TPT1: variants seen among roughly 807,000 people sequenced by gnomAD.
TPT1 encodes the protein tumor protein, translationally-controlled 1.
In TPT1, 5 loss-of-function variants were observed where a neutral mutation model predicts 22.8. The ratio of observed to expected loss-of-function variants is 0.22; its 90% confidence interval spans 0.11 to 0.46. The LOEUF (loss-of-function observed/expected upper bound fraction) is 0.46. Ranked by LOEUF, TPT1 falls within the 20% of genes least tolerant of loss-of-function variation. TPT1 has a pLI of 0.99. For synonymous variants in TPT1, 89 were observed against 73.6 expected, an observed-to-expected ratio of 1.21 and a Z score of -1.07; for missense variants, 130 against 218.7, an observed-to-expected ratio of 0.59 and a Z score of 2.56.
chr13:45,341,098 C>G lies in TPT1; in HGVS notation c.-29G>C. On this transcript the variant is annotated 5_prime_UTR_variant, in exon 1 of 6. Coordinates refer to ENST00000530705, the MANE Select transcript of TPT1 (RefSeq NM_003295.4). ...GGCGACTGAAGGGAGACGACGACGGCGCTAGCTTAGCACGAGCCTGAAACT... is the reference window on the plus strand; with the variant it reads ...GGCGACTGAAGGGAGACGACGACGGGGCTAGCTTAGCACGAGCCTGAAACT... The G allele has an allele frequency of 6.2e-7, 1 of 1,611,962 alleles. No homozygotes were observed. Among genetic ancestry groups the G allele is most frequent in the Non-Finnish European group, 8.5e-7 (1 of 1,178,970 alleles).
Position 45,341,074 on chromosome 13 carries a change from G to A in TPT1, c.-5C>T. 3.1e-6 allele frequency: 5 copies of A among 1,613,348 alleles called. No homozygotes were observed. The highest frequency in any genetic ancestry group is 4.2e-6 in the Non-Finnish European group (5 of 1,179,574). ...GAGGTCCCGGTAGATAATCATGATGGCGACTGAAGGGAGACGACGACGGCG... is the reference window on the plus strand; with the variant it reads ...GAGGTCCCGGTAGATAATCATGATGACGACTGAAGGGAGACGACGACGGCG... On this transcript the variant is annotated 5_prime_UTR_variant, in exon 1 of 6. Transcript: ENST00000530705.
intron 5 of TPT1, chr13:45,337,592 G>C (rs561238784): frequency 6.3e-7 from 1 of 1,596,476 alleles, no homozygotes; most frequent in African/African-American, 1.3e-5. Context: ...ATTGTTCAAG[G>C]TCTATCAGTG....
chr13:45,338,387 G>A (rs919040365), intron 5 of TPT1: 32 of 489,070 alleles, frequency 6.5e-5, no homozygotes, highest in Non-Finnish European at 9.4e-5. Flanking sequence ...CCCAAGTGCT[G>A]AAATTACAGG....
chr13:45,340,819 G>A, intron 1 of TPT1, 34 bp from the exon 2 acceptor site: 1 of 1,503,090 alleles, frequency 6.7e-7, no homozygotes, highest in South Asian at 1.4e-5. Flanking sequence ...ATCACCGTGC[G>A]CCTGGCGCCG....
chr13:45,341,183 G>A lies in TPT1; in HGVS notation c.-114C>T, dbSNP rs891064882. ...GGGGGAGGGGGGAGCGGGCGGAAAAGGCCGACTCAGCCGCTCCCCAACCTC... is the reference window on the plus strand; with the variant it reads ...GGGGGAGGGGGGAGCGGGCGGAAAAAGCCGACTCAGCCGCTCCCCAACCTC... On this transcript the variant is annotated 5_prime_UTR_variant, in exon 1 of 6. Coordinates refer to ENST00000530705, the MANE Select transcript of TPT1 (RefSeq NM_003295.4). 30 of 1,424,476 alleles carry A rather than the reference G, an allele frequency of 2.1e-5. 1 individual carries two copies. The highest frequency in any genetic ancestry group is 8.5e-5 in the African/African-American group (6 of 70,466). The allele number at this position is 1,424,476 out of a possible 1,614,324, so 88.2% of individuals were successfully genotyped here.
Position 45,337,198 on chromosome 13 carries a change from T to A in TPT1, c.*188A>T. The A allele has an allele frequency of 1.6e-6, 1 of 638,970 alleles. No individual in the cohort carries two copies. 39.6% of individuals were successfully genotyped at this position (638,970 alleles called of 1,614,324 possible). On this transcript the variant is annotated 3_prime_UTR_variant, in exon 6 of 6. Transcript: ENST00000530705. ...CAAATGAGTTTAAATGCATTTTATT[T>A]TTAGACAACCTACATGACATGTTTT...
At position 45,338,608 on chromosome 13, in the gene TPT1, T is replaced by C. The variant is rs558628642; in HGVS notation, c.516+52A>G. ...TGTCACAAAACAATTGCAAATCACA[T>C]CTAAAATGTCTTTTTTACATTATTT... On this transcript the variant is annotated intron_variant, in intron 5 of 5. Transcript: ENST00000530705. 4 of 1,595,036 alleles carry C rather than the reference T, an allele frequency of 2.5e-6. No homozygotes were observed. The South Asian group carries it at 3.4e-5, about 14-fold the overall frequency.
intron 2 of TPT1, 115 bp from the exon 3 acceptor site, chr13:45,340,299 G>C: frequency 3.0e-6 from 4 of 1,322,748 alleles, no homozygotes; most frequent in South Asian, 1.3e-5. Flanking sequence ...AATAAAAAAA[G>C]CACCATTTTG....
At position 45,336,489 on chromosome 13, in the gene TPT1, G is replaced by T. The variant is rs372378892; in HGVS notation, c.*897C>A. 1 of 152,126 alleles carries T rather than the reference G, an allele frequency of 6.6e-6. No individual in the cohort carries two copies. Among genetic ancestry groups the T allele is most frequent in the Non-Finnish European group, 1.5e-5 (1 of 68,030 alleles). The allele number at this position is 152,126 out of a possible 1,614,324, so 9.4% of individuals were successfully genotyped here. ...CCCATCTTTTCAGATACAATATAGA[G>T]AACATTTTTACCCCTTTGCCCACCA... On this transcript the variant is annotated 3_prime_UTR_variant, in exon 6 of 6. Transcript: ENST00000530705.
Position 45,341,158 on chromosome 13 carries a change from G to T in TPT1, c.-89C>A, listed in dbSNP as rs936835090. On this transcript the variant is annotated 5_prime_UTR_variant, in exon 1 of 6. Transcript: ENST00000530705. ...CGCGGTGCAGCCGGAGCGGCGCTCG[G>T]GGGGAGGGGGGAGCGGGCGGAAAAG... is the stretch of plus-strand genomic sequence containing the variant. 27 of 1,559,860 alleles carry T rather than the reference G, an allele frequency of 1.7e-5. No individual in the cohort carries two copies. The highest frequency in any genetic ancestry group is 9.5e-5 in the African/African-American group (7 of 73,478).
intron 3 of TPT1, 44 bp from the exon 4 acceptor site, chr13:45,339,646 G>T (rs1168012103): frequency 3.3e-6 from 5 of 1,508,564 alleles, no homozygotes; most frequent in Non-Finnish European, 4.5e-6. Flanking sequence ...TGAATTTTCA[G>T]TAAAATCAAT....
Position 45,339,657 on chromosome 13 carries a change from T to G in TPT1, c.294-55A>C. 4 of 1,486,280 alleles carry G rather than the reference T, an allele frequency of 2.7e-6. No homozygotes were observed. In the South Asian group the frequency reaches 4.9e-5, roughly 18 times the overall value. 92.1% of individuals were successfully genotyped at this position (1,486,280 alleles called of 1,614,324 possible). On this transcript the variant is annotated intron_variant, in intron 3 of 5. Coordinates refer to ENST00000530705, the MANE Select transcript of TPT1 (RefSeq NM_003295.4). ...GTATTGAATTTTCAGTAAAATCAATTTTTAAAGTAAAAAATATCCAAGCTT... is the reference window on the plus strand; with the variant it reads ...GTATTGAATTTTCAGTAAAATCAATGTTTAAAGTAAAAAATATCCAAGCTT...
intron 4 of TPT1, chr13:45,339,062 T>C (rs1878905128): frequency 6.0e-6 from 2 of 335,784 alleles, no homozygotes; most frequent in African/African-American, 2.1e-5. Flanking sequence ...AGCGTGCTTA[T>C]ATAGTCAACC....
rs1878761720 is a variant in TPT1 at position 45,337,301 on chromosome 13, TGTCTTAA to T, written c.*78_*84del. On this transcript the variant is annotated 3_prime_UTR_variant, in exon 6 of 6. Transcript: ENST00000530705. ...AGCTCAAGATGACATCAGTCCCATT[TGTCTTAA>T]GTCCTGGTGTTGTGTGGATGACAAG... 5 of 1,307,340 alleles carry T rather than the reference TGTCTTAA, an allele frequency of 3.8e-6. No homozygotes were observed. Among genetic ancestry groups the T allele is most frequent in the Middle Eastern group, 2.3e-4 (1 of 4,408 alleles). 81.0% of individuals were successfully genotyped at this position (1,307,340 alleles called of 1,614,324 possible).
At position 45,335,350 on chromosome 13, in the gene TPT1, A is replaced by T. The variant is rs1878604723; in HGVS notation, c.*2036T>A. 6.6e-6 allele frequency: 1 copy of T among 152,204 alleles called. No homozygotes were observed. Among genetic ancestry groups the T allele is most frequent in the Admixed American group, 6.6e-5 (1 of 15,258 alleles). 9.4% of individuals were successfully genotyped at this position (152,204 alleles called of 1,614,324 possible). On this transcript the variant is annotated 3_prime_UTR_variant, in exon 6 of 6. Transcript: ENST00000530705. ...GTTGGGAAAACAGCTAAGAGCACTGAAAGGACAACTGGGGAAATACCTCTT... is the reference window on the plus strand; with the variant it reads ...GTTGGGAAAACAGCTAAGAGCACTGTAAGGACAACTGGGGAAATACCTCTT...
chr13:45,337,591 G>C (rs1223144598), intron 5 of TPT1: 4 of 1,599,848 alleles, frequency 2.5e-6, no homozygotes, highest in Non-Finnish European at 3.4e-6. Context: ...AATTGTTCAA[G>C]GTCTATCAGT....
rs1879000827 is a variant in TPT1, at chr13:45,340,262, T to C, written c.103-78A>G. On this transcript the variant is annotated intron_variant, in intron 2 of 5. Transcript: ENST00000530705. The stretch of plus-strand genomic sequence containing the variant: ...ACCTTCCACGCCAATAGTTCACGGA[T>C]AAGAAGTATTCTTAGTTCTTGCTGA... 21 of 1,485,258 alleles carry C rather than the reference T, an allele frequency of 1.4e-5. 2 individuals are homozygous for C. The South Asian group carries it at 2.5e-4, about 18-fold the overall frequency. 92.0% of individuals were successfully genotyped at this position (1,485,258 alleles called of 1,614,324 possible).
rs1380457309 is a variant in TPT1, at chr13:45,334,931, T to C, written c.*2455A>G. 1.3e-5 allele frequency: 2 copies of C among 152,226 alleles called. No homozygotes were observed. The highest frequency in any genetic ancestry group is 6.5e-5 in the Admixed American group (1 of 15,272). The allele number at this position is 152,226 out of a possible 1,614,324, so 9.4% of individuals were successfully genotyped here. On this transcript the variant is annotated 3_prime_UTR_variant, in exon 6 of 6. Coordinates refer to ENST00000530705, the MANE Select transcript of TPT1 (RefSeq NM_003295.4). ...TGTCTTGGCCTGGAATGGTTTGTCC[T>C]GATATCCACATGGCCTACTTCCACA... is the stretch of plus-strand genomic sequence containing the variant.
In TPT1 at chr13:45,338,509, T is replaced by C; in HGVS notation, c.516+151A>G. 2.1e-6 allele frequency: 3 copies of C among 1,406,910 alleles called. 1 individual carries two copies. In the South Asian group the frequency reaches 4.7e-5, roughly 22 times the overall value. The allele number at this position is 1,406,910 out of a possible 1,614,324, so 87.2% of individuals were successfully genotyped here. ...TTATACCCTAAGAATTTTTTACATA[T>C]GAAACACAATTCTCTTGATCCCCAA... On this transcript the variant is annotated intron_variant, in intron 5 of 5. Coordinates refer to ENST00000530705, the MANE Select transcript of TPT1 (RefSeq NM_003295.4).
Sources: allele counts gnomAD v4.1 joint callset, GRCh38; gene constraint gnomAD v4.1.1; transcripts MANE v1.5; gene names NCBI Gene and HGNC (gene_info 2026-07-23, HGNC 2026-07-21).